Variants in NOL4 observed in about 807,000 individuals in gnomAD.
The protein encoded by NOL4 is cancer/testis antigen 125.
In NOL4, 17 loss-of-function variants were observed where a neutral mutation model predicts 75.9. That is an observed-to-expected ratio of 0.22 (90% confidence interval 0.15 to 0.34). The LOEUF is 0.34. NOL4 is among the 10% of genes least tolerant of loss of function. The probability of loss-of-function intolerance (pLI) is 1.00; values close to 1 mark genes in which losing one functional copy is unlikely to be tolerated. For synonymous variants in NOL4, 292 were observed against 289.9 expected (o/e 1.01, Z -0.07); for missense variants, 614 against 793.5 (o/e 0.77, Z 2.72).
intron 6 of NOL4, among the ~76,000 whole-genome samples, chr18:33,996,832 C>T (rs1394610015): frequency 6.6e-6 from 1 of 151,814 alleles, no homozygotes; most frequent in Non-Finnish European, 1.5e-5. Context: ...TGGCTTGATT[C>T]CATGTCTTTG....
At chr18:34,203,917 T>C (rs2035940678) in intron 1 of NOL4, among the ~76,000 whole-genome samples, 1 of 151,998 alleles carries the variant, frequency 6.6e-6, no homozygotes, top group African/African-American at 2.4e-5. Context: ...CTAACTACTT[T>C]TGACTTTATT....
chr18:34,216,985 G>T (rs1395316627), intron 1 of NOL4, among the ~76,000 whole-genome samples: 1 of 151,832 alleles, frequency 6.6e-6, no homozygotes, highest in Non-Finnish European at 1.5e-5. Context: ...AATTATTTCT[G>T]CCTGTCCATA....
intron 1 of NOL4, among the ~76,000 whole-genome samples, chr18:34,194,876 T>A (rs2035210892): frequency 6.6e-6 from 1 of 151,782 alleles, no homozygotes; most frequent in African/African-American, 2.4e-5. Flanking sequence ...AATACAAAAT[T>A]AGCCGGGCGT....
chr18:34,017,232 G>A (rs2074748799), intron 6 of NOL4, among the ~76,000 whole-genome samples: 2 of 152,058 alleles, frequency 1.3e-5, no homozygotes, highest in Non-Finnish European at 2.9e-5. Flanking sequence ...CTTGTTCTAA[G>A]AAACTTTTCT....
intron 5 of NOL4, among the ~76,000 whole-genome samples, chr18:34,090,669 G>T (rs2078470079): frequency 6.6e-6 from 1 of 152,148 alleles, no homozygotes; most frequent in Middle Eastern, 3.4e-3. Context: ...AAAAGGGGGG[G>T]AGGCATTGTC....
intron 10 of NOL4, among the ~76,000 whole-genome samples, chr18:33,881,464 C>A (rs1415104742): frequency 6.6e-6 from 1 of 151,612 alleles, no homozygotes; most frequent in Non-Finnish European, 1.5e-5. Context: ...GGGAATGCTT[C>A]CAGTTTTTGC....
chr18:33,877,209 T>C (rs1244575421), intron 10 of NOL4, among the ~76,000 whole-genome samples: 4 of 151,848 alleles, frequency 2.6e-5, no homozygotes, highest in Non-Finnish European at 4.4e-5. Flanking sequence ...CCTTGAGATA[T>C]CATCATCTCA....
At chr18:34,057,061 T>C (rs1377551475) in intron 5 of NOL4, among the ~76,000 whole-genome samples, 1 of 152,212 alleles carries the variant, frequency 6.6e-6, no homozygotes, top group Non-Finnish European at 1.5e-5. Context: ...GAGGAAGTCC[T>C]GGAGTGCTTA....
chr18:34,183,517 C>G (rs1237297821), intron 1 of NOL4: 1 of 151,936 alleles, frequency 6.6e-6, no homozygotes, highest in South Asian at 2.1e-4. Flanking sequence ...TGAAAACTTA[C>G]ATTCACATAA....
rs181241054 is a variant in NOL4 at position 34,222,439 on chromosome 18, C to T, written c.264+551G>A. 3.3e-4 allele frequency: 361 copies of T among 1,101,616 alleles called. 5 individuals are homozygous for T. In the East Asian group the frequency reaches 0.022, roughly 67 times the overall value. 68.2% of individuals were successfully genotyped at this position (1,101,616 alleles called of 1,614,324 possible). A position where few individuals can be genotyped will look rare whatever the true frequency, so the allele number is the denominator to read the frequency against. ...AGTGATCGAGGCATTCGGGCTGCCC[C>T]GTGCCTCCCGGGCAGCGATCTAACG... On this transcript the variant is annotated intron_variant, in intron 1 of 10. Transcript: ENST00000261592.
intron 1 of NOL4, among the ~76,000 whole-genome samples, chr18:34,215,967 T>A (rs2036858379): frequency 6.6e-6 from 1 of 152,210 alleles, no homozygotes; most frequent in Non-Finnish European, 1.5e-5. Flanking sequence ...GCAGTTTATC[T>A]GAGAGTTTTT....
At chr18:34,097,011 T>C (rs1177817020) in intron 4 of NOL4, among the ~76,000 whole-genome samples, 1 of 152,140 alleles carries the variant, frequency 6.6e-6, no homozygotes, top group Non-Finnish European at 1.5e-5. Flanking sequence ...CCTGATTAGT[T>C]CAAAATTGCA....
At chr18:34,200,952 A>G (rs1490133655) in intron 1 of NOL4, among the ~76,000 whole-genome samples, 3 of 151,774 alleles carry the variant, frequency 2.0e-5, no homozygotes, top group African/African-American at 7.2e-5. Context: ...CTGACTTAAA[A>G]AAGAGGCTCA....
intron 10 of NOL4, among the ~76,000 whole-genome samples, chr18:33,880,868 C>T (rs1223343013): frequency 6.6e-6 from 1 of 151,812 alleles, no homozygotes; most frequent in African/African-American, 2.4e-5. Context: ...AATAGTGCTG[C>T]CACTTTCAGA....
At chr18:34,027,097 A>G (rs2075381302) in intron 5 of NOL4, among the ~76,000 whole-genome samples, 1 of 152,206 alleles carries the variant, frequency 6.6e-6, no homozygotes. Flanking sequence ...TCTATGTTAT[A>G]TTGTCTCTCA....
intron 1 of NOL4, among the ~76,000 whole-genome samples, chr18:34,173,755 G>A (rs2033279099): frequency 6.6e-6 from 1 of 152,044 alleles, no homozygotes; most frequent in African/African-American, 2.4e-5. Flanking sequence ...ATGAATTATT[G>A]AAAGGCAAAT....
intron 6 of NOL4, among the ~76,000 whole-genome samples, chr18:33,986,046 G>A (rs1284847029): frequency 6.6e-6 from 1 of 152,008 alleles, no homozygotes; most frequent in East Asian, 1.9e-4. Flanking sequence ...AAATGATTTG[G>A]CTTTATTCTT....
chr18:34,088,884 A>C (rs1023294951), intron 5 of NOL4, among the ~76,000 whole-genome samples: 5 of 152,054 alleles, frequency 3.3e-5, no homozygotes, highest in African/African-American at 1.2e-4. Context: ...ACTATACATT[A>C]ATCCTGAAGC....
At chr18:34,069,916 A>G (rs1463377430) in intron 5 of NOL4, among the ~76,000 whole-genome samples, 2 of 152,368 alleles carry the variant, frequency 1.3e-5, no homozygotes, top group East Asian at 3.9e-4. Context: ...CCAACCAGAG[A>G]AAGTCCTATG....
Sources: gnomAD v4.1 joint callset for allele counts (sites outside exome capture counted in the v4.1 genomes callset) on GRCh38, gnomAD v4.1.1 for gene constraint, MANE v1.5 for transcripts, NCBI Gene and HGNC (gene_info 2026-07-23, HGNC 2026-07-21) for gene names.